MTPN: variants seen among roughly 807,000 people sequenced by gnomAD.
MTPN encodes the protein myotrophin.
A neutral mutation model predicts 13.5 loss-of-function variants in MTPN; 2 were observed. The ratio of observed to expected loss-of-function variants is 0.15; its 90% CI spans 0.06 to 0.47. MTPN has a LOEUF of 0.47. Ranked by LOEUF, MTPN falls within the 20% of genes least tolerant of loss-of-function variation. The pLI is 0.97. For synonymous variants in MTPN, 46 were observed against 51.7 expected, an observed-to-expected ratio of 0.89 and a Z score of 0.48; for missense variants, 79 against 137.9, an observed-to-expected ratio of 0.57 and a Z score of 2.14.
At chr7:135,966,217 T>C (rs1799601516) in intron 1 of MTPN, among the ~76,000 whole-genome samples, 1 of 152,130 alleles carries the variant, frequency 6.6e-6, no homozygotes, top group African/African-American at 2.4e-5. Context: ...TACTTATGAT[T>C]GGGTTACACT....
intron 1 of MTPN, among the ~76,000 whole-genome samples, chr7:135,974,689 G>C (rs1799746071): frequency 6.6e-6 from 1 of 152,142 alleles, no homozygotes; most frequent in South Asian, 2.1e-4. Flanking sequence ...AGACTAGACA[G>C]GTCTAAGTGT....
intron 3 of MTPN, among the ~76,000 whole-genome samples, chr7:135,933,656 A>G (rs1029225640): frequency 3.9e-5 from 6 of 152,190 alleles, no homozygotes; most frequent in South Asian, 2.1e-4. Context: ...TGTTGTTCCA[A>G]TATTGCAACC....
intron 1 of MTPN, 95 bp downstream of exon 1, chr7:135,976,934 C>T: frequency 5.1e-6 from 3 of 583,856 alleles, no homozygotes. Flanking sequence ...TCCTCCCGCC[C>T]ACCCCCATCC....
chr7:135,930,164 T>G (rs999264845), intron 3 of MTPN, 152 bp from the exon 4 acceptor site: 1 of 593,014 alleles, frequency 1.7e-6, no homozygotes, highest in Non-Finnish European at 2.9e-6. Flanking sequence ...AACAAACAAG[T>G]TGGCAACATT....
At chr7:135,952,515 C>G (rs1259832990) in intron 1 of MTPN, among the ~76,000 whole-genome samples, 1 of 152,136 alleles carries the variant, frequency 6.6e-6, no homozygotes, top group African/African-American at 2.4e-5. Context: ...AACTCTAAAG[C>G]TGAAGAGGTT....
intron 1 of MTPN, among the ~76,000 whole-genome samples, chr7:135,972,231 G>GCGCACACACA (rs779296906): frequency 3.2e-5 from 4 of 124,716 alleles, no homozygotes; most frequent in Admixed American, 7.5e-5. Context: ...GCACGCGCGC[G>GCGCACACACA]CACACACACA....
chr7:135,953,485 C>T lies in MTPN; in HGVS notation c.73-1855G>A, dbSNP rs887792778. On this transcript the variant is annotated intron_variant, in intron 1 of 3. Transcript: ENST00000393085. ...TGCAGAGATGACAGTACCTGCAGCTCATGGAGTTGTGGGGGTTAAACTACA... is the reference window on the plus strand; with the variant it reads ...TGCAGAGATGACAGTACCTGCAGCTTATGGAGTTGTGGGGGTTAAACTACA... 9.9e-5 allele frequency among the ~76,000 whole-genome samples: 15 copies of T among 152,118 alleles called. 1 individual carries two copies. The highest frequency in any genetic ancestry group is 3.6e-4 in the African/African-American group (15 of 41,408).
At chr7:135,964,240 G>A (rs1243600598) in intron 1 of MTPN, among the ~76,000 whole-genome samples, 1 of 151,976 alleles carries the variant, frequency 6.6e-6, no homozygotes, top group Admixed American at 6.6e-5. Flanking sequence ...CATATTTCAT[G>A]TATTAAATAA....
At position 135,935,518 on chromosome 7, in the gene MTPN, G is replaced by T. The variant is rs532175419; in HGVS notation, c.271-5506C>A. On this transcript the variant is annotated intron_variant, in intron 3 of 3. Coordinates refer to ENST00000393085, the MANE Select transcript of MTPN (RefSeq NM_145808.4). ...GCGTCCCAAAATGCTGGGATCACAG[G>T]CGTGAGCCACTGCGCCCGGCCTTTT... Among the ~76,000 whole-genome samples, 16 of 152,322 alleles carry T rather than the reference G, an allele frequency of 1.1e-4. 1 individual carries two copies. Among genetic ancestry groups the T allele is most frequent in the African/African-American group, 3.6e-4 (15 of 41,582 alleles).
chr7:135,955,403 C>T (rs919365922), intron 1 of MTPN, among the ~76,000 whole-genome samples: 5 of 152,040 alleles, frequency 3.3e-5, no homozygotes, highest in East Asian at 1.9e-4. Flanking sequence ...AGGAAAAGAG[C>T]GAAGATACAA....
At chr7:135,965,750 TA>T (rs1799594875) in intron 1 of MTPN, among the ~76,000 whole-genome samples, 1 of 152,126 alleles carries the variant, frequency 6.6e-6, no homozygotes, top group Admixed American at 6.6e-5. Flanking sequence ...TCATTGGGTT[TA>T]AAACAACAAA....
intron 3 of MTPN, among the ~76,000 whole-genome samples, chr7:135,948,097 C>T (rs1410803306): frequency 6.6e-6 from 1 of 151,988 alleles, no homozygotes; most frequent in Non-Finnish European, 1.5e-5. Flanking sequence ...AAAGGCAGAA[C>T]AAATTAGACT....
intron 3 of MTPN, among the ~76,000 whole-genome samples, chr7:135,947,973 C>A (rs571288976): frequency 6.6e-6 from 1 of 152,084 alleles, no homozygotes; most frequent in East Asian, 1.9e-4. Flanking sequence ...TTTTCGTATG[C>A]TAAGGATAAA....
chr7:135,950,786 G>GA, intron 2 of MTPN, 104 bp from the exon 3 acceptor site: 1 of 885,618 alleles, frequency 1.1e-6, no homozygotes, highest in Non-Finnish European at 1.8e-6. Flanking sequence ...TGCCTTTCTA[G>GA]AAAATCAATC....
chr7:135,967,796 A>G (rs1251811354), intron 1 of MTPN, among the ~76,000 whole-genome samples: 2 of 152,176 alleles, frequency 1.3e-5, no homozygotes, highest in Non-Finnish European at 2.9e-5. Context: ...TAATTCACCC[A>G]AAGTGTCTAG....
Position 135,929,973 on chromosome 7 carries a change from C to T in MTPN, c.310G>A (p.Ala104Thr), listed in dbSNP as rs1423921992. 3.7e-6 allele frequency: 6 copies of T among 1,603,236 alleles called. No homozygotes were observed. Among genetic ancestry groups the T allele is most frequent in the African/African-American group, 1.3e-5 (1 of 74,360 alleles). ...GCCTGGTTGTCAGTGGCTTCAAAGG[C>T]GGTCAGTCCATCTGGGCCTTTCACA... ...KTVKGPDGLT[A>T]FEATDNQAIK... Residue 104 changes from alanine (A) to threonine (T), a missense_variant, in exon 4 of 4, where the codon GCC becomes ACC. Coordinates refer to ENST00000393085, the MANE Select transcript of MTPN (RefSeq NM_145808.4).
intron 1 of MTPN, among the ~76,000 whole-genome samples, chr7:135,966,705 G>C (rs1437508820): frequency 1.3e-5 from 2 of 152,160 alleles, no homozygotes; most frequent in Non-Finnish European, 2.9e-5. Context: ...TTATGCCTGA[G>C]CATTTGTATC....
chr7:135,948,600 T>C (rs1046162592), intron 3 of MTPN, among the ~76,000 whole-genome samples: 4 of 152,212 alleles, frequency 2.6e-5, no homozygotes, highest in Non-Finnish European at 5.9e-5. Context: ...GGAACTCATT[T>C]AATGTTTTCA....
intron 3 of MTPN, among the ~76,000 whole-genome samples, chr7:135,941,007 G>A (rs1799200279): frequency 6.6e-6 from 1 of 152,142 alleles, no homozygotes; most frequent in South Asian, 2.1e-4. Flanking sequence ...GCATCACAGT[G>A]GCAGAGATGA....
Sources: allele counts gnomAD v4.1 joint callset (sites outside exome capture counted in the v4.1 genomes callset), GRCh38; gene constraint gnomAD v4.1.1; transcripts MANE v1.5; gene names NCBI Gene and HGNC (gene_info 2026-07-23, HGNC 2026-07-21).